RIPK1: variants seen among roughly 807,000 people sequenced by gnomAD.
The protein encoded by RIPK1 is receptor-interacting serine/threonine-protein kinase 1.
A neutral mutation model predicts 62.4 loss-of-function variants in RIPK1; 27 were observed. The ratio of observed to expected loss-of-function variants is 0.43; its 90% CI spans 0.32 to 0.60. RIPK1 has a LOEUF of 0.60. RIPK1 is among the 20% of genes least tolerant of loss of function. The probability of loss-of-function intolerance (pLI) is 0.07; values close to 1 mark genes in which losing one functional copy is unlikely to be tolerated. For missense variants in RIPK1, 735 were observed against 831.0 expected (o/e 0.88, Z 1.42); for synonymous variants, 287 against 303.2 (o/e 0.95, Z 0.55).
chr6:3,078,250 C>T lies in RIPK1; in HGVS notation c.321+315C>T, dbSNP rs1759196885. On this transcript the variant is annotated intron_variant, in intron 3 of 10. Transcript: ENST00000259808. Reference sequence around the variant, plus strand: ...GGGCTCCGTGGGTCACTTCTGTAATCTCAGCACTTTTGGCAGGAGGATCAC... The same window carrying T: ...GGGCTCCGTGGGTCACTTCTGTAATTTCAGCACTTTTGGCAGGAGGATCAC... Among the ~76,000 whole-genome samples, 5 of 152,286 alleles carry T rather than the reference C, an allele frequency of 3.3e-5. No individual in the cohort carries two copies. In the South Asian group the frequency reaches 1.0e-3, roughly 32 times the overall value.
At chr6:3,102,623 CAG>C (rs17548524) in intron 7 of RIPK1, among the ~76,000 whole-genome samples, 10,883 of 152,104 alleles carry the variant, frequency 0.072, 1,319 homozygotes, top group African/African-American at 0.25. Context: ...TTTTCTGAGA[CAG>C]AGTCTCCCTC....
intron 1 of RIPK1, among the ~76,000 whole-genome samples, chr6:3,075,796 G>C (rs1222536504): frequency 6.6e-6 from 1 of 150,856 alleles, no homozygotes; most frequent in Non-Finnish European, 1.5e-5. Context: ...TTCAAAGTCT[G>C]TATCTATTTC....
At chr6:3,078,261 T>G (rs969117746) in intron 3 of RIPK1, among the ~76,000 whole-genome samples, 3 of 152,164 alleles carry the variant, frequency 2.0e-5, no homozygotes, top group Admixed American at 6.5e-5. Context: ...TCAGCACTTT[T>G]GGCAGGAGGA....
rs952171877 is a variant in RIPK1 at position 3,077,657 on chromosome 6, G to A, written c.165-122G>A. On this transcript the variant is annotated intron_variant, in intron 2 of 10. Coordinates refer to ENST00000259808, the MANE Select transcript of RIPK1 (RefSeq NM_001354930.2). The stretch of plus-strand genomic sequence containing the variant: ...TTCTAACGCTTCTGGCCTGTGCCTG[G>A]AAGAGATCGGTACAGACCCAAGCAT... 3.1e-5 allele frequency: 33 copies of A among 1,062,524 alleles called. No homozygotes were observed. In the African/African-American group the frequency reaches 5.1e-4, roughly 16 times the overall value. The allele number at this position is 1,062,524 out of a possible 1,614,324, so 65.8% of individuals were successfully genotyped here. A position where few individuals can be genotyped will look rare whatever the true frequency, so the allele number is the denominator to read the frequency against.
chr6:3,087,909 T>C (rs796409532), intron 6 of RIPK1, among the ~76,000 whole-genome samples: 7 of 152,218 alleles, frequency 4.6e-5, no homozygotes, highest in Admixed American at 3.9e-4. Context: ...CCTTTTTTGC[T>C]GAGACTTTCT....
At chr6:3,074,131 C>T (rs1410068116) in intron 1 of RIPK1, among the ~76,000 whole-genome samples, 1 of 152,172 alleles carries the variant, frequency 6.6e-6, no homozygotes, top group African/African-American at 2.4e-5. Flanking sequence ...TGCCTGCAAC[C>T]CTAGCCCCCG....
chr6:3,067,689 G>T (rs1307602072), upstream of RIPK1, among the ~76,000 whole-genome samples: 3 of 151,514 alleles, frequency 2.0e-5, no homozygotes, highest in African/African-American at 7.3e-5. Context: ...TTGTGAACGT[G>T]GCTAGTTCTC....
At chr6:3,066,972 A>G (rs1421367586), upstream of RIPK1, among the ~76,000 whole-genome samples, 1 of 148,962 alleles carries the variant, frequency 6.7e-6, no homozygotes, top group Non-Finnish European at 1.5e-5. Flanking sequence ...AGAATGTCAC[A>G]TAGTTGGAAT....
intron 7 of RIPK1, among the ~76,000 whole-genome samples, chr6:3,090,085 G>A (rs902098061): frequency 6.6e-6 from 1 of 152,236 alleles, no homozygotes; most frequent in African/African-American, 2.4e-5. Context: ...CAACAGCACA[G>A]TCACCTGGGA....
At chr6:3,068,257 G>A, upstream of RIPK1, 2 of 985,538 alleles carry the variant, frequency 2.0e-6, no homozygotes, top group Non-Finnish European at 2.4e-6. Context: ...CGCCCCCGCT[G>A]TAATCCACCC....
Position 3,083,110 on chromosome 6 carries a change from T to C in RIPK1, c.485T>C (p.Phe162Ser), listed in dbSNP as rs1374876454. The C allele has an allele frequency of 4.3e-6, 7 of 1,613,844 alleles. No individual in the cohort carries two copies. The highest frequency in any genetic ancestry group is 5.9e-6 in the Non-Finnish European group (7 of 1,179,892). The change falls in exon 5 of 11, where the codon TTT becomes TCT. Residue 162 changes from phenylalanine to serine, a missense_variant. Phe to Ser is a radical substitution (Grantham distance 155, BLOSUM62 -2). Around this residue, in one of 2 missense-constraint regions of RIPK1, gnomAD observed 671 missense variants for 726.2 expected, o/e 0.92. Coordinates refer to ENST00000259808, the MANE Select transcript of RIPK1 (RefSeq NM_001354930.2). ...ATCGCAGACCTCGGCCTTGCCTCCT[T>C]TAAGATGTGGAGCAAACTGAATAAT... is the stretch of plus-strand genomic sequence containing the variant. ...IKIADLGLAS[F>S]KMWSKLNNEE...
intron 2 of RIPK1, 124 bp downstream of exon 2, chr6:3,077,111 C>T: frequency 2.4e-6 from 2 of 843,644 alleles, no homozygotes; most frequent in Non-Finnish European, 3.6e-6. Context: ...GCCAAGATGT[C>T]AGGGTGACGA....
upstream of RIPK1, among the ~76,000 whole-genome samples, chr6:3,065,127 G>A (rs371668074): frequency 4.1e-3 from 620 of 151,902 alleles, 3 homozygotes; most frequent in African/African-American, 0.014. Flanking sequence ...CGTGGTGGCG[G>A]GCGCCTGTAG....
At chr6:3,079,280 A>G (rs1248045912) in intron 3 of RIPK1, among the ~76,000 whole-genome samples, 1 of 151,990 alleles carries the variant, frequency 6.6e-6, no homozygotes, top group Non-Finnish European at 1.5e-5. Flanking sequence ...AGTTTTCACC[A>G]TGTTGGTCAG....
chr6:3,067,354 C>T (rs924725271), upstream of RIPK1, among the ~76,000 whole-genome samples: 17 of 152,134 alleles, frequency 1.1e-4, no homozygotes, highest in African/African-American at 3.9e-4. Flanking sequence ...TAGGCATTCC[C>T]ACTAGGAATG....
intron 1 of RIPK1, among the ~76,000 whole-genome samples, chr6:3,074,483 T>G (rs1758947543): frequency 6.6e-6 from 1 of 152,322 alleles, no homozygotes; most frequent in African/African-American, 2.4e-5. Flanking sequence ...TAAATAAAGT[T>G]GCTATGAACA....
intron 3 of RIPK1, among the ~76,000 whole-genome samples, chr6:3,079,144 A>G (rs925928724): frequency 2.0e-5 from 3 of 151,980 alleles, no homozygotes; most frequent in Admixed American, 6.6e-5. Context: ...CAATGGTGCA[A>G]TCTCGGCTCA....
rs1368423194 is a variant in RIPK1 at position 3,077,004 on chromosome 6, G to A, written c.164+17G>A. On this transcript the variant is annotated intron_variant, in intron 2 of 10. Transcript: ENST00000259808. ...CTGCATTGAGTGAGTAGGGAGCAGG[G>A]GTGGGTGGGCTAAGTTCTGAGCGGG... The A allele has an allele frequency of 6.3e-7, 1 of 1,588,582 alleles. No individual in the cohort carries two copies. The highest frequency in any genetic ancestry group is 2.3e-5 in the East Asian group (1 of 44,040).
intron 10 of RIPK1, among the ~76,000 whole-genome samples, chr6:3,111,473 T>C (rs1761153344): frequency 6.6e-6 from 1 of 151,812 alleles, no homozygotes; most frequent in African/African-American, 2.4e-5. Context: ...AACGACTTGA[T>C]TAAGAACTCA....
Sources: gnomAD v4.1 joint callset for allele counts (sites outside exome capture counted in the v4.1 genomes callset) on GRCh38, gnomAD v4.1.1 for gene constraint, gnomAD v4.1.1 regional missense constraint, MANE v1.5 for transcripts, NCBI Gene and HGNC (gene_info 2026-07-23, HGNC 2026-07-21) for gene names.